DBF4: variants seen among roughly 807,000 people sequenced by gnomAD.
DBF4 encodes the protein protein DBF4 homolog A.
DBF4 carries 25 observed loss-of-function variants against 76.6 expected under a neutral mutation model. The ratio of observed to expected loss-of-function variants is 0.33; its 90% CI spans 0.24 to 0.46. The LOEUF (loss-of-function observed/expected upper bound fraction) is 0.46, where lower values mean the gene tolerates loss of function less well. DBF4 is among the 20% of genes least tolerant of loss of function. The pLI is 1.00. For missense variants in DBF4, 638 were observed against 760.8 expected, an observed-to-expected ratio of 0.84 and a Z score of 1.90; for synonymous variants, 213 against 258.0, an observed-to-expected ratio of 0.83 and a Z score of 1.67.
intron 2 of DBF4, among the ~76,000 whole-genome samples, chr7:87,880,141 A>G (rs1208914334): frequency 1.3e-5 from 2 of 152,286 alleles, no homozygotes; most frequent in Admixed American, 1.3e-4. Context: ...AAAGCCTGTA[A>G]AAAGGGAACC....
Position 87,876,522 on chromosome 7 carries a change from T to A in DBF4, c.-211T>A, listed in dbSNP as rs1430014470. On this transcript the variant is annotated 5_prime_UTR_variant, in exon 1 of 12. Coordinates refer to ENST00000265728, the MANE Select transcript of DBF4 (RefSeq NM_006716.4). ...CTTCAACCGCCGCAGCCCACTCGTTTGTGCTTTGCGCCTTCCTCCTCCGCG... is the reference window on the plus strand; with the variant it reads ...CTTCAACCGCCGCAGCCCACTCGTTAGTGCTTTGCGCCTTCCTCCTCCGCG... 3.4e-6 allele frequency: 2 copies of A among 590,438 alleles called. No homozygotes were observed. The highest frequency in any genetic ancestry group is 6.1e-6 in the Non-Finnish European group (2 of 330,370). 36.6% of individuals were successfully genotyped at this position (590,438 alleles called of 1,614,324 possible).
At chr7:87,899,205 AT>A (rs1839708553) in intron 8 of DBF4, among the ~76,000 whole-genome samples, 1 of 152,204 alleles carries the variant, frequency 6.6e-6, no homozygotes, top group Non-Finnish European at 1.5e-5. Flanking sequence ...AAAAACACAG[AT>A]TACAAAAGAT....
In DBF4 at chr7:87,882,307, T is replaced by C. The variant is rs149725605; in HGVS notation, c.220-2672T>C. Among the ~76,000 whole-genome samples, 300 of 152,308 alleles carry C rather than the reference T, an allele frequency of 2.0e-3. 1 individual carries two copies. Among genetic ancestry groups the C allele is most frequent in the African/African-American group, 6.6e-3 (274 of 41,588 alleles). ...CAGAAAAATGAAGTTGGACCTTTAC[T>C]GTCATATGCGTAAATGAGCTCAAAA... On this transcript the variant is annotated intron_variant, in intron 2 of 11. Transcript: ENST00000265728.
At chr7:87,887,776 C>T (rs1041644833) in intron 5 of DBF4, among the ~76,000 whole-genome samples, 13 of 151,956 alleles carry the variant, frequency 8.6e-5, no homozygotes, top group Non-Finnish European at 1.5e-4. Flanking sequence ...CCATGAATTC[C>T]CTCTTAAAGG....
intron 2 of DBF4, among the ~76,000 whole-genome samples, chr7:87,880,918 C>T (rs1325186075): frequency 1.3e-5 from 2 of 152,204 alleles, no homozygotes; most frequent in East Asian, 1.9e-4. Flanking sequence ...TAGGCCGATA[C>T]CTTGGCGTAT....
In DBF4 at chr7:87,908,818, T is replaced by TGA. The variant is rs1839973479; in HGVS notation, c.*656_*657insAG. On this transcript the variant is annotated 3_prime_UTR_variant, in exon 12 of 12. Coordinates refer to ENST00000265728, the MANE Select transcript of DBF4 (RefSeq NM_006716.4). ...CAAAAGTTGACTCTCCTGTGGCTCATGCCACAGGATCCCAGCACTTTGGGA... is the reference window on the plus strand; with the variant it reads ...CAAAAGTTGACTCTCCTGTGGCTCATGAGCCACAGGATCCCAGCACTTTGGGA... 7.2e-6 allele frequency: 1 copy of TGA among 138,016 alleles called. No homozygotes were observed. The highest frequency in any genetic ancestry group is 1.5e-5 in the Non-Finnish European group (1 of 64,528). The allele number at this position is 138,016 out of a possible 1,614,324, so 8.5% of individuals were successfully genotyped here.
At chr7:87,887,861 A>C (rs1259243658) in intron 5 of DBF4, 122 bp from the exon 6 acceptor site, 7 of 971,046 alleles carry the variant, frequency 7.2e-6, no homozygotes, top group Non-Finnish European at 1.0e-5. Flanking sequence ...AAACATTCAG[A>C]CCATAGCATA....
At chr7:87,890,089 G>GTA (rs1208142198) in intron 6 of DBF4, among the ~76,000 whole-genome samples, 1 of 152,108 alleles carries the variant, frequency 6.6e-6, no homozygotes, top group Non-Finnish European at 1.5e-5. Flanking sequence ...ATGTATATGT[G>GTA]TATATATATC....
intron 11 of DBF4, among the ~76,000 whole-genome samples, chr7:87,905,466 A>T (rs1839893862): frequency 6.6e-6 from 1 of 152,194 alleles, no homozygotes; most frequent in Non-Finnish European, 1.5e-5. Flanking sequence ...ATTTCACTAA[A>T]TATCTTTGCC....
chr7:87,892,063 A>G (rs1562761265), intron 6 of DBF4, among the ~76,000 whole-genome samples: 2 of 152,220 alleles, frequency 1.3e-5, no homozygotes, highest in Non-Finnish European at 2.9e-5. Flanking sequence ...AGAGTGGTAC[A>G]TTTGTTATAA....
intron 10 of DBF4, among the ~76,000 whole-genome samples, 158 bp downstream of exon 10, chr7:87,901,036 G>A (rs1049072172): frequency 2.6e-5 from 4 of 152,084 alleles, no homozygotes. Flanking sequence ...AATACTGAGC[G>A]TCTACTACAT....
At position 87,886,980 on chromosome 7, in the gene DBF4, T is replaced by G. The variant is rs751145714; in HGVS notation, c.450+86T>G. 1.1e-3 allele frequency: 1,111 copies of G among 981,420 alleles called. 3 individuals are homozygous for G. The highest frequency in any genetic ancestry group is 1.2e-3 in the Non-Finnish European group (820 of 657,562). 60.8% of individuals were successfully genotyped at this position (981,420 alleles called of 1,614,324 possible). On this transcript the variant is annotated intron_variant, in intron 4 of 11. Coordinates refer to ENST00000265728, the MANE Select transcript of DBF4 (RefSeq NM_006716.4). ...TTACAGATATTCTTGAAATTTTCCT[T>G]TCCACATTTTTAGGCAAAAACCTGA... is the stretch of plus-strand genomic sequence containing the variant.
chr7:87,879,879 G>A (rs1350478520), intron 2 of DBF4, among the ~76,000 whole-genome samples: 1 of 151,898 alleles, frequency 6.6e-6, no homozygotes, highest in Non-Finnish European at 1.5e-5. Flanking sequence ...CTTGAACCTG[G>A]GAGGCGGAGG....
At chr7:87,876,899 G>A (rs936522096) in intron 1 of DBF4, 121 bp downstream of exon 1, 1 of 1,071,494 alleles carries the variant, frequency 9.3e-7, no homozygotes, top group South Asian at 1.4e-5. Flanking sequence ...ACCGGCCTCT[G>A]GGGTCTGAAG....
chr7:87,888,551 C>T lies in DBF4; in HGVS notation c.597+492C>T, dbSNP rs186172928. The stretch of plus-strand genomic sequence containing the variant: ...TGTTCCCATTATCTTCAGTCCCTTT[C>T]CTTTTCCTTGTTGCTTCTTTGAAGC... On this transcript the variant is annotated intron_variant, in intron 6 of 11. Transcript: ENST00000265728. Among the ~76,000 whole-genome samples, 3 of 152,316 alleles carry T rather than the reference C, an allele frequency of 2.0e-5. No homozygotes were observed. In the East Asian group the frequency reaches 5.8e-4, roughly 29 times the overall value.
Position 87,876,717 on chromosome 7 carries a change from G to GT in DBF4, c.-15dup. 6.2e-7 allele frequency: 1 copy of GT among 1,614,048 alleles called. No homozygotes were observed. The highest frequency in any genetic ancestry group is 8.5e-7 in the Non-Finnish European group (1 of 1,180,006). On this transcript the variant is annotated 5_prime_UTR_variant, in exon 1 of 12. Transcript: ENST00000265728. ...CACTTTCTCCGGACCCAGCATGTAG[G>GT]TGCCGGGCGACTGCCATGAACTCCG... is the stretch of plus-strand genomic sequence containing the variant.
intron 3 of DBF4, 55 bp downstream of exon 3, chr7:87,885,213 C>T: frequency 6.9e-7 from 1 of 1,440,416 alleles, no homozygotes; most frequent in Non-Finnish European, 9.4e-7. Flanking sequence ...TGAAGATCTC[C>T]TGGTTTTTAA....
Position 87,908,308 on chromosome 7 carries a change from T to C in DBF4, c.*145T>C, listed in dbSNP as rs188897905. The C allele has an allele frequency of 9.3e-6, 8 of 860,174 alleles. No individual in the cohort carries two copies. The Admixed American group carries it at 3.0e-4, about 33-fold the overall frequency. 53.3% of individuals were successfully genotyped at this position (860,174 alleles called of 1,614,324 possible). Reference sequence around the variant, plus strand: ...TATTAAAAATAAATATTTGCAATTTTCTACAGAATTGAATACCTGTTAAAG... The same window carrying C: ...TATTAAAAATAAATATTTGCAATTTCCTACAGAATTGAATACCTGTTAAAG... On this transcript the variant is annotated 3_prime_UTR_variant, in exon 12 of 12. Transcript: ENST00000265728.
At position 87,909,263 on chromosome 7, in the gene DBF4, G is replaced by A. The variant is rs1322675879; in HGVS notation, c.*1100G>A. 6.6e-6 allele frequency: 1 copy of A among 152,140 alleles called. No individual in the cohort carries two copies. Among genetic ancestry groups the A allele is most frequent in the Non-Finnish European group, 1.5e-5 (1 of 68,026 alleles). The allele number at this position is 152,140 out of a possible 1,614,324, so 9.4% of individuals were successfully genotyped here. A position where few individuals can be genotyped will look rare whatever the true frequency, so the allele number is the denominator to read the frequency against. On this transcript the variant is annotated 3_prime_UTR_variant, in exon 12 of 12. Coordinates refer to ENST00000265728, the MANE Select transcript of DBF4 (RefSeq NM_006716.4). ...TTTCAATTTGAATCTGTGGATATAA[G>A]GCATTTGCCTTTGAGTATGTTCTTG...
Sources: gnomAD v4.1 joint callset for allele counts (sites outside exome capture counted in the v4.1 genomes callset) on GRCh38, gnomAD v4.1.1 for gene constraint, MANE v1.5 for transcripts, NCBI Gene and HGNC (gene_info 2026-07-23, HGNC 2026-07-21) for gene names.